SYK: variants seen among roughly 807,000 people sequenced by gnomAD.
SYK encodes the protein tyrosine-protein kinase SYK.
A neutral mutation model predicts 77.8 loss-of-function variants in SYK; 16 were observed. That is an observed-to-expected ratio of 0.21 (90% CI 0.14 to 0.31). The LOEUF is 0.31. Among genes scored for constraint, SYK ranks in the 10% least tolerant of loss-of-function variants. SYK has a pLI of 1.00. For synonymous variants in SYK, 312 were observed against 308.7 expected, an observed-to-expected ratio of 1.01 and a Z score of -0.11; for missense variants, 529 against 814.4, an observed-to-expected ratio of 0.65 and a Z score of 4.26.
chr9:90,877,635 G>A lies in SYK; in HGVS notation c.1246G>A (p.Glu416Lys). ...NEANDPALKD[E>K]LLAEANVMQQ... Reference sequence around the variant, plus strand: ...GGCCAATGACCCCGCTCTTAAAGATGAGTTATTAGCAGAAGCAAATGTCAT... The same window carrying A: ...GGCCAATGACCCCGCTCTTAAAGATAAGTTATTAGCAGAAGCAAATGTCAT... Residue 416 changes from glutamate (E) to lysine (K), a missense_variant, in exon 10 of 14, where the codon GAG becomes AAG. Glu to Lys is a moderately conservative substitution (Grantham distance 56). Around this residue, in one of 2 missense-constraint regions of SYK, gnomAD observed 208 missense variants for 381.3 expected, o/e 0.55. Coordinates refer to ENST00000375754, the MANE Select transcript of SYK (RefSeq NM_003177.7). 6.2e-7 allele frequency: 1 copy of A among 1,614,262 alleles called. No individual in the cohort carries two copies. The highest frequency in any genetic ancestry group is 8.5e-7 in the Non-Finnish European group (1 of 1,180,040).
chr9:90,850,052 CT>C (rs761349603), intron 3 of SYK, among the ~76,000 whole-genome samples: 13 of 152,360 alleles, frequency 8.5e-5, no homozygotes, highest in Middle Eastern at 3.4e-3. Flanking sequence ...AGTCATTCTT[CT>C]GCAGGTGAGA....
intron 13 of SYK, 115 bp downstream of exon 13, chr9:90,888,742 C>A (rs1828676748): frequency 1.2e-6 from 1 of 802,092 alleles, no homozygotes; most frequent in Non-Finnish European, 1.9e-6. Flanking sequence ...AATGTGCCCG[C>A]TTTCTAAACA....
rs779943640 is a variant in SYK, at chr9:90,862,206, G to T, written c.579G>T (p.Leu193=). 1.2e-5 allele frequency: 20 copies of T among 1,610,266 alleles called. No homozygotes were observed. Among genetic ancestry groups the T allele is most frequent in the Non-Finnish European group, 1.6e-5 (19 of 1,177,772 alleles). ...GATGCAGTTCCATCCTCTCTTCTAGGATCCGAGCCAGAGACAACAACGGCT... is the reference window on the plus strand; with the variant it reads ...GATGCAGTTCCATCCTCTCTTCTAGTATCCGAGCCAGAGACAACAACGGCT... The part of the protein sequence containing the change: ...LIGSKTNGKF[L]IRARDNNGSY... The change falls in exon 4 of 14, where the codon CTG becomes CTT. Residue 193 remains leucine, a splice_region_variant and synonymous_variant. Transcript: ENST00000375754.
chr9:90,879,931 T>A (rs62559154), intron 11 of SYK, among the ~76,000 whole-genome samples: 6,784 of 152,258 alleles, frequency 0.045, 159 homozygotes, highest in African/African-American at 0.058. Context: ...ATAAGAAAGC[T>A]CTATCTTCAT....
chr9:90,874,298 C>T lies in SYK; in HGVS notation c.1003+7C>T. On this transcript the variant is annotated splice_region_variant and intron_variant, in intron 8 of 13. Coordinates refer to ENST00000375754, the MANE Select transcript of SYK (RefSeq NM_003177.7). Reference sequence around the variant, plus strand: ...CCCTGGGCTGCAGACAAAGGTGAGACTTCCTTTCATTCAAGGGACATTCAC... The same window carrying T: ...CCCTGGGCTGCAGACAAAGGTGAGATTTCCTTTCATTCAAGGGACATTCAC... The T allele has an allele frequency of 1.2e-6, 2 of 1,613,764 alleles. No individual in the cohort carries two copies. Among genetic ancestry groups the T allele is most frequent in the Non-Finnish European group, 1.7e-6 (2 of 1,179,686 alleles).
chr9:90,874,075 G>A (rs564148014), intron 7 of SYK, 129 bp from the exon 8 acceptor site: 119 of 779,226 alleles, frequency 1.5e-4, no homozygotes, highest in East Asian at 4.6e-4. Context: ...CCTGTTTTTC[G>A]TAATTCTTTC....
chr9:90,856,995 C>T (rs1827061203), intron 3 of SYK, among the ~76,000 whole-genome samples: 3 of 152,264 alleles, frequency 2.0e-5, no homozygotes, highest in African/African-American at 7.2e-5. Context: ...TGTCCCTGTC[C>T]ACAGCTGTGC....
intron 1 of SYK, among the ~76,000 whole-genome samples, chr9:90,838,417 T>C (rs1166427314): frequency 6.6e-6 from 1 of 152,012 alleles, no homozygotes; most frequent in Admixed American, 6.6e-5. Context: ...GGAAGGGAGG[T>C]ATGCGGCCCA....
chr9:90,839,189 A>C (rs186822393), intron 1 of SYK, among the ~76,000 whole-genome samples: 10 of 152,338 alleles, frequency 6.6e-5, no homozygotes, highest in Non-Finnish European at 1.0e-4. Context: ...CAGTCCTGAG[A>C]AGGTATGCAC....
chr9:90,807,827 C>A (rs1004398591), intron 1 of SYK, among the ~76,000 whole-genome samples: 1 of 152,210 alleles, frequency 6.6e-6, no homozygotes, highest in Non-Finnish European at 1.5e-5. Context: ...CCCAGCCCTG[C>A]CCCCAGTCCC....
At chr9:90,885,597 G>C (rs1828533276) in intron 11 of SYK, among the ~76,000 whole-genome samples, 1 of 152,186 alleles carries the variant, frequency 6.6e-6, no homozygotes, top group Non-Finnish European at 1.5e-5. Context: ...GAGAATGAAA[G>C]ATTAGAAATC....
rs1249041521 is a variant in SYK, at chr9:90,865,093, C to G, written c.842C>G (p.Pro281Arg). The change falls in exon 6 of 14, where the codon CCT becomes CGT. Residue 281 changes from proline (P) to arginine (R), a missense_variant. Pro to Arg is a moderately radical substitution (Grantham distance 103). This residue lies in a region of SYK where 321 missense variants were observed against 433.1 expected (regional missense o/e 0.74). Transcript: ENST00000375754. ...GGRPQLPGSH[P>R]ATWSAGGIIS... ...CGTCCACAACTTCCAGGTTCCCATC[C>G]TGCGGTAAGTGTCACTAGGAATACC... The G allele has an allele frequency of 2.5e-6, 4 of 1,614,024 alleles. No homozygotes were observed. The highest frequency in any genetic ancestry group is 3.4e-6 in the Non-Finnish European group (4 of 1,179,908).
At chr9:90,863,659 G>A (rs1827359673) in intron 4 of SYK, among the ~76,000 whole-genome samples, 1 of 152,194 alleles carries the variant, frequency 6.6e-6, no homozygotes, top group Non-Finnish European at 1.5e-5. Flanking sequence ...ATTCGAAAGA[G>A]TATTTAACCT....
intron 3 of SYK, among the ~76,000 whole-genome samples, chr9:90,846,896 C>A (rs1291370468): frequency 6.6e-6 from 1 of 152,192 alleles, no homozygotes; most frequent in Non-Finnish European, 1.5e-5. Context: ...GCAATAATTT[C>A]CAACATGAAT....
intron 1 of SYK, among the ~76,000 whole-genome samples, chr9:90,805,389 G>A (rs1220932264): frequency 6.6e-6 from 1 of 152,192 alleles, no homozygotes; most frequent in African/African-American, 2.4e-5. Context: ...TTTAGCCTGG[G>A]ATGCAGATGA....
intron 1 of SYK, among the ~76,000 whole-genome samples, chr9:90,842,132 TTGTGTTGTG>T (rs1826385034): frequency 6.9e-6 from 1 of 144,134 alleles, no homozygotes; most frequent in Admixed American, 6.9e-5. Context: ...TGTATGTAAT[TTGTGTTGTG>T]TGTGCAGTGT....
chr9:90,861,628 A>C (rs182996539), intron 3 of SYK, among the ~76,000 whole-genome samples: 4 of 145,050 alleles, frequency 2.8e-5, no homozygotes, highest in Non-Finnish European at 1.5e-5. Context: ...CCTTTCCTGC[A>C]GTGGGAGCAT....
In SYK at chr9:90,863,303, A is replaced by G. The variant is rs190733098; in HGVS notation, c.717+959A>G. ...CCCCAGAGCACCAGCTACCTTGAAC[A>G]TGTGTGGGTGAGGGGCATAATCAGG... On this transcript the variant is annotated intron_variant, in intron 4 of 13. Coordinates refer to ENST00000375754, the MANE Select transcript of SYK (RefSeq NM_003177.7). Among the ~76,000 whole-genome samples, 225 of 152,256 alleles carry G rather than the reference A, an allele frequency of 1.5e-3. 4 individuals are homozygous for G. The highest frequency in any genetic ancestry group is 0.015 in the Admixed American group (223 of 15,290).
chr9:90,808,050 A>G (rs1431816422), intron 1 of SYK, among the ~76,000 whole-genome samples: 2 of 152,200 alleles, frequency 1.3e-5, no homozygotes, highest in African/African-American at 4.8e-5. Flanking sequence ...AGTCCAGAAT[A>G]GGCATGTCGA....
Sources: allele counts gnomAD v4.1 joint callset (sites outside exome capture counted in the v4.1 genomes callset), GRCh38; gene constraint gnomAD v4.1.1; regional missense constraint gnomAD v4.1.1; transcripts MANE v1.5; gene names NCBI Gene and HGNC (gene_info 2026-07-23, HGNC 2026-07-21).